DPP6: variants seen among roughly 807,000 people sequenced by gnomAD.
DPP6 encodes A-type potassium channel modulatory protein DPP6.
In DPP6, 69 loss-of-function variants were observed where a neutral mutation model predicts 122.6. The ratio of observed to expected loss-of-function variants is 0.56; its 90% CI spans 0.46 to 0.69. DPP6 has a LOEUF of 0.69. Ranked by LOEUF, DPP6 falls within the 30% of genes least tolerant of loss-of-function variation. The pLI, the probability that DPP6 is intolerant of heterozygous loss-of-function variation, is 0.00. For missense variants in DPP6, 928 were observed against 1,116.9 expected, an observed-to-expected ratio of 0.83 and a Z score of 2.41; for synonymous variants, 418 against 433.1, an observed-to-expected ratio of 0.97 and a Z score of 0.43.
chr7:153,969,758 GTA>G (rs1379268911), intron 1 of DPP6, among the ~76,000 whole-genome samples: 2 of 150,380 alleles, frequency 1.3e-5, no homozygotes, highest in Non-Finnish European at 2.9e-5. Context: ...GAAAAAATGT[GTA>G]GTCATGTAAG....
chr7:154,026,267 A>C (rs1563111684), intron 1 of DPP6: 1 of 152,074 alleles, frequency 6.6e-6, no homozygotes, highest in African/African-American at 2.4e-5. Flanking sequence ...ACTAGCAAAG[A>C]ACACCTGGAA....
chr7:153,775,853 C>A, the DPP6 span, among the ~76,000 whole-genome samples: 2 of 151,922 alleles, frequency 1.3e-5, no homozygotes, highest in Non-Finnish European at 2.9e-5. Context: ...ACACTTTGGA[C>A]TAAATCTAAA....
At chr7:154,224,859 A>G (rs1281985253) in intron 1 of DPP6, among the ~76,000 whole-genome samples, 1 of 133,660 alleles carries the variant, frequency 7.5e-6, no homozygotes, top group African/African-American at 3.4e-5. Context: ...TTCTGATATC[A>G]GGGCTGGGCA....
At chr7:154,401,707 A>C (rs1815613615) in intron 1 of DPP6, among the ~76,000 whole-genome samples, 1 of 152,234 alleles carries the variant, frequency 6.6e-6, no homozygotes. Context: ...CATGTCTAAA[A>C]CACCAAAAGC....
chr7:154,279,324 T>C (rs904444402), intron 1 of DPP6, among the ~76,000 whole-genome samples: 1 of 152,194 alleles, frequency 6.6e-6, no homozygotes, highest in African/African-American at 2.4e-5. Flanking sequence ...GGTGAATCCA[T>C]CTAGGTAGTT....
chr7:153,776,111 C>G, the DPP6 span, among the ~76,000 whole-genome samples: 1 of 152,018 alleles, frequency 6.6e-6, no homozygotes, highest in Non-Finnish European at 1.5e-5. Flanking sequence ...TAACTACCCA[C>G]AAAATTGGAA....
At chr7:154,531,909 A>C (rs1827867187) in intron 3 of DPP6, among the ~76,000 whole-genome samples, 1 of 152,136 alleles carries the variant, frequency 6.6e-6, no homozygotes, top group African/African-American at 2.4e-5. Context: ...TAATGCAAAG[A>C]AATGCAACTA....
chr7:154,127,597 T>TCTCACACACACACACA (rs1438098845), intron 1 of DPP6, among the ~76,000 whole-genome samples: 3 of 136,742 alleles, frequency 2.2e-5, no homozygotes, highest in African/African-American at 9.2e-5. Context: ...GAGCAGCATC[T>TCTCACACACACACACA]CACACACACA....
intron 1 of DPP6, among the ~76,000 whole-genome samples, chr7:153,963,490 G>C (rs556631583): frequency 6.8e-6 from 1 of 147,214 alleles, no homozygotes; most frequent in South Asian, 2.2e-4. Flanking sequence ...ATCTGACACA[G>C]AGCACCCAGG....
At chr7:153,910,021 T>C (rs1800012775) in intron 1 of DPP6, among the ~76,000 whole-genome samples, 1 of 152,072 alleles carries the variant, frequency 6.6e-6, no homozygotes, top group African/African-American at 2.4e-5. Flanking sequence ...ATGGAGAGGG[T>C]ATATAAGCTT....
chr7:153,894,165 A>G (rs1799314649), intron 1 of DPP6, among the ~76,000 whole-genome samples: 1 of 152,220 alleles, frequency 6.6e-6, no homozygotes, highest in Non-Finnish European at 1.5e-5. Context: ...GTTTCCAAGG[A>G]CCACAAGGAT....
At chr7:153,779,138 G>C in the DPP6 span, among the ~76,000 whole-genome samples, 1 of 148,190 alleles carries the variant, frequency 6.7e-6, no homozygotes, top group East Asian at 1.9e-4. Flanking sequence ...CAAAAGTACA[G>C]AGACAAAGAT....
At chr7:154,298,120 G>A (rs984875661) in intron 1 of DPP6, among the ~76,000 whole-genome samples, 1 of 152,154 alleles carries the variant, frequency 6.6e-6, no homozygotes, top group Admixed American at 6.5e-5. Context: ...GTCTCCCAGG[G>A]AGGAAAGGAT....
At chr7:153,814,649 C>G in the DPP6 span, among the ~76,000 whole-genome samples, 1 of 152,250 alleles carries the variant, frequency 6.6e-6, no homozygotes, top group East Asian at 1.9e-4. Flanking sequence ...GGCAGAGACA[C>G]AACCAAAAAG....
chr7:153,932,838 C>T (rs1389840650), intron 1 of DPP6, among the ~76,000 whole-genome samples: 1 of 152,124 alleles, frequency 6.6e-6, no homozygotes, highest in Non-Finnish European at 1.5e-5. Context: ...GGCTGTGTCC[C>T]CACCCAAATC....
chr7:154,721,504 G>A (rs974087360), intron 7 of DPP6, among the ~76,000 whole-genome samples: 8 of 152,102 alleles, frequency 5.3e-5, no homozygotes, highest in African/African-American at 1.7e-4. Context: ...AAATTTACCC[G>A]AAATACATCA....
intron 1 of DPP6, among the ~76,000 whole-genome samples, chr7:154,405,126 C>T (rs192481403): frequency 6.6e-6 from 1 of 152,078 alleles, no homozygotes; most frequent in Non-Finnish European, 1.5e-5. Flanking sequence ...TTTTCACCAA[C>T]CCTATAAAGT....
chr7:153,900,637 AT>A (rs1234176024), intron 1 of DPP6, among the ~76,000 whole-genome samples: 1 of 152,170 alleles, frequency 6.6e-6, no homozygotes, highest in Non-Finnish European at 1.5e-5. Context: ...ACACCAAGCC[AT>A]TCATGAGGCG....
At chr7:154,658,581 G>A (rs1837419761) in intron 6 of DPP6, among the ~76,000 whole-genome samples, 1 of 152,172 alleles carries the variant, frequency 6.6e-6, no homozygotes, top group African/African-American at 2.4e-5. Flanking sequence ...GGGCCAAGCT[G>A]GAGCCTCCCA....
Sources: gnomAD v4.1 joint callset for allele counts (sites outside exome capture counted in the v4.1 genomes callset) on GRCh38, gnomAD v4.1.1 for gene constraint, MANE v1.5 for transcripts, NCBI Gene and HGNC (gene_info 2026-07-23, HGNC 2026-07-21) for gene names.